The following ZNF385C variants were observed in gnomAD, a reference collection of about 807,000 sequenced individuals.
ZNF385C encodes CTD-2132N18.2.
A neutral mutation model predicts 35.4 loss-of-function variants in ZNF385C; 28 were observed. That is an observed-to-expected ratio of 0.79 (90% CI 0.59 to 1.08). ZNF385C has a LOEUF of 1.08. Ranked by LOEUF, ZNF385C falls within the 50% of genes least tolerant of loss-of-function variation. ZNF385C has a pLI of 0.00. For synonymous variants in ZNF385C, 248 were observed against 248.2 expected (o/e 1.00, Z 0.01); for missense variants, 605 against 595.6 (o/e 1.02, Z -0.16).
rs144077674 is a variant in ZNF385C, at chr17:42,083,468, A to C, written c.-3+14942T>G. 5.7e-3 allele frequency among the ~76,000 whole-genome samples: 865 copies of C among 152,066 alleles called. 6 individuals are homozygous for C. The highest frequency in any genetic ancestry group is 8.9e-3 in the Non-Finnish European group (605 of 67,992). ...ATGATCCACCCACCTCGGCCTCCGA[A>C]AGTGTTGGGATTACAGGCATGAGCC... On this transcript the variant is annotated intron_variant, in intron 1 of 8. Coordinates refer to ENST00000692273, the MANE Select transcript of ZNF385C (RefSeq NM_001392013.1).
In ZNF385C at chr17:42,095,710, T is replaced by C. The variant is rs2053910966; in HGVS notation, c.-3+2700A>G. 6.6e-6 allele frequency among the ~76,000 whole-genome samples: 1 copy of C among 152,124 alleles called. No homozygotes were observed. Among genetic ancestry groups the C allele is most frequent in the African/African-American group, 2.4e-5 (1 of 41,410 alleles). ...TGTTGATGACAACTGACAATCTTCA[T>C]TTCACCTTGAAACTCCGTCCTGGTC... is the stretch of plus-strand genomic sequence containing the variant. On this transcript the variant is annotated intron_variant, in intron 1 of 8. Transcript: ENST00000692273. The surrounding 1 kb of genome is among the most constrained non-coding windows in gnomAD (Gnocchi z 4.4).
chr17:42,027,551 C>CACT, intron 8 of ZNF385C, 67 bp downstream of exon 8: 3 of 525,322 alleles, frequency 5.7e-6, no homozygotes, highest in Non-Finnish European at 3.5e-6. Context: ...GCCCCCCCAT[C>CACT]TGGCCCTCCC....
intron 2 of ZNF385C, among the ~76,000 whole-genome samples, chr17:42,048,756 C>G (rs1252946284): frequency 6.6e-6 from 1 of 152,114 alleles, no homozygotes; most frequent in Non-Finnish European, 1.5e-5. Context: ...ACACCACTGC[C>G]TGGCGGCCTT....
rs1417662358 is a variant in ZNF385C at position 42,025,685 on chromosome 17, G to GTCTTTAAAAAACAAA, written c.*1197_*1211dup. On this transcript the variant is annotated 3_prime_UTR_variant, in exon 9 of 9. Transcript: ENST00000692273. ...TTTTTCTGGTTCTCCCATTGGAAATGTCTTTAAAAAACAAAAAAAAGATAC... is the reference window on the plus strand; with the variant it reads ...TTTTTCTGGTTCTCCCATTGGAAATGTCTTTAAAAAACAAATCTTTAAAAAACAAAAAAAAGATAC... The GTCTTTAAAAAACAAA allele has an allele frequency of 6.6e-6, 1 of 152,506 alleles. No homozygotes were observed. Among genetic ancestry groups the GTCTTTAAAAAACAAA allele is most frequent in the Non-Finnish European group, 1.5e-5 (1 of 68,026 alleles). The allele number at this position is 152,506 out of a possible 1,614,324, so 9.4% of individuals were successfully genotyped here.
intron 3 of ZNF385C, among the ~76,000 whole-genome samples, chr17:42,036,981 A>G (rs2050792393): frequency 6.6e-6 from 1 of 152,214 alleles, no homozygotes; most frequent in Non-Finnish European, 1.5e-5. Flanking sequence ...GATCCCTCAT[A>G]TAGTGAATTA....
At chr17:42,053,873 G>A (rs929210782) in intron 2 of ZNF385C, among the ~76,000 whole-genome samples, 2 of 152,086 alleles carry the variant, frequency 1.3e-5, no homozygotes, top group African/African-American at 2.4e-5. Flanking sequence ...AGGCACCACC[G>A]CGGAGTGCAG....
intron 1 of ZNF385C, among the ~76,000 whole-genome samples, chr17:42,067,173 A>G (rs1300076565): frequency 6.6e-6 from 1 of 152,120 alleles, no homozygotes; most frequent in Non-Finnish European, 1.5e-5. Context: ...TGGGCTGAAT[A>G]GATCCTCCAG....
intron 2 of ZNF385C, among the ~76,000 whole-genome samples, chr17:42,053,740 C>T (rs2053326028): frequency 6.6e-6 from 1 of 152,056 alleles, no homozygotes; most frequent in Admixed American, 6.6e-5. Context: ...CTTTTGGGGG[C>T]CAACTATAGC....
intron 3 of ZNF385C, among the ~76,000 whole-genome samples, chr17:42,035,048 G>T (rs1259237701): frequency 6.8e-6 from 1 of 147,544 alleles, no homozygotes; most frequent in Non-Finnish European, 1.5e-5. Context: ...GAACCTCAGA[G>T]GCAGAGGTTG....
chr17:42,040,187 C>CCAGCGAA, intron 2 of ZNF385C: 1 of 1,231,568 alleles, frequency 8.1e-7, no homozygotes, highest in Non-Finnish European at 1.0e-6. Context: ...GCTGCGAAGG[C>CCAGCGAA]GGCCACGGCG....
intron 1 of ZNF385C, among the ~76,000 whole-genome samples, chr17:42,097,238 G>A (rs1360668122): frequency 1.3e-5 from 2 of 152,126 alleles, no homozygotes; most frequent in East Asian, 1.9e-4. Flanking sequence ...TCAAGGTCAC[G>A]CAGTAGGTAG....
At chr17:42,034,832 A>G (rs1170735535) in intron 3 of ZNF385C, among the ~76,000 whole-genome samples, 1 of 151,078 alleles carries the variant, frequency 6.6e-6, no homozygotes, top group Non-Finnish European at 1.5e-5. Flanking sequence ...GAAAGAAAGA[A>G]GAAGAAACAG....
rs1057176917 is a variant in ZNF385C at position 42,077,664 on chromosome 17, C to T, written c.-2-14606G>A. On this transcript the variant is annotated intron_variant, in intron 1 of 8. Coordinates refer to ENST00000692273, the MANE Select transcript of ZNF385C (RefSeq NM_001392013.1). ...AAGGGACTCAGGCAAGGAGCAGAGA[C>T]CCCGGCCCAGCCAGCAGCTTCCCTG... Among the ~76,000 whole-genome samples the T allele has an allele frequency of 9.6e-4, 146 of 152,334 alleles. 1 individual carries two copies. The highest frequency in any genetic ancestry group is 3.3e-3 in the African/African-American group (137 of 41,574).
chr17:42,038,049 GTGCCCTTCCTCCCCACAGC>G (rs2052907281), intron 2 of ZNF385C, 164 bp from the exon 3 acceptor site: 1 of 1,535,470 alleles, frequency 6.5e-7, no homozygotes. Context: ...CCCCTTCTCT[GTGCCCTTCCTCCCCACAGC>G]TGGGGAAGCA....
intron 1 of ZNF385C, among the ~76,000 whole-genome samples, chr17:42,079,219 C>T (rs71367910): frequency 4.0e-5 from 5 of 125,196 alleles, no homozygotes; most frequent in South Asian, 2.5e-4. Flanking sequence ...TATATATATA[C>T]ATATATATAT....
intron 1 of ZNF385C, among the ~76,000 whole-genome samples, chr17:42,079,201 AAAATATATATATATATACAT>A (rs1343798472): frequency 0.021 from 2,635 of 128,386 alleles, 33 homozygotes; most frequent in Middle Eastern, 0.064. Context: ...AAAAAAAAAA[AAAATATATATATATATACAT>A]ATATATATAT....
chr17:42,083,637 TA>T (rs1335586260), intron 1 of ZNF385C, among the ~76,000 whole-genome samples: 1 of 146,908 alleles, frequency 6.8e-6, no homozygotes, highest in South Asian at 2.2e-4. Context: ...TTTGATTACT[TA>T]AAAAAAACTA....
In ZNF385C at chr17:42,034,151, C is replaced by T; in HGVS notation, c.510+74G>A. The stretch of plus-strand genomic sequence containing the variant: ...GCCACTGATATTCCTCCCAGAAGGA[C>T]TCTGAAAGCCCAGCCTCCAGCCCTC... On this transcript the variant is annotated intron_variant, in intron 4 of 8. Coordinates refer to ENST00000692273, the MANE Select transcript of ZNF385C (RefSeq NM_001392013.1). The T allele has an allele frequency of 1.1e-5, 13 of 1,218,974 alleles. 1 individual carries two copies. The South Asian group carries it at 1.7e-4, about 16-fold the overall frequency. The allele number at this position is 1,218,974 out of a possible 1,614,324, so 75.5% of individuals were successfully genotyped here.
chr17:42,037,973 G>A (rs758333716), intron 2 of ZNF385C, 88 bp from the exon 3 acceptor site: 2 of 1,541,370 alleles, frequency 1.3e-6, no homozygotes, highest in Non-Finnish European at 1.7e-6. Context: ...CTTGGGTGTG[G>A]AGCTGGGCAG....
Sources: allele counts gnomAD v4.1 joint callset (sites outside exome capture counted in the v4.1 genomes callset), GRCh38; gene constraint gnomAD v4.1.1; non-coding constraint Gnocchi (gnomAD v3.1); transcripts MANE v1.5; gene names NCBI Gene and HGNC (gene_info 2026-07-23, HGNC 2026-07-21).